ZSCAN16: variants seen among roughly 807,000 people sequenced by gnomAD.
The protein encoded by ZSCAN16 is zinc finger and SCAN domain-containing protein 16.
Under a neutral mutation model 19.4 loss-of-function variants are expected in ZSCAN16, and 15 were observed. The observed-to-expected ratio is 0.77, with a 90% CI of 0.52 to 1.19. The LOEUF (loss-of-function observed/expected upper bound fraction) is 1.19. Ranked by LOEUF, ZSCAN16 falls within the 50% of genes most tolerant of loss-of-function variation. ZSCAN16 has a pLI of 0.00. For synonymous variants in ZSCAN16, 138 were observed against 146.5 expected (o/e 0.94, Z 0.42); for missense variants, 327 against 415.7 (o/e 0.79, Z 1.86).
At chr6:28,127,837 T>C (rs1482793428) in intron 3 of ZSCAN16, among the ~76,000 whole-genome samples, 1 of 152,152 alleles carries the variant, frequency 6.6e-6, no homozygotes, top group Non-Finnish European at 1.5e-5. Context: ...TCACCACCCT[T>C]TCTCTAGAGG....
chr6:28,127,633 A>C (rs756751646), intron 3 of ZSCAN16, among the ~76,000 whole-genome samples: 24 of 152,244 alleles, frequency 1.6e-4, no homozygotes, highest in Non-Finnish European at 3.1e-4. Flanking sequence ...TGATGAAAGA[A>C]GTAGGGAAGA....
chr6:28,127,275 T>C (rs1215294375), intron 3 of ZSCAN16, among the ~76,000 whole-genome samples: 1 of 152,212 alleles, frequency 6.6e-6, no homozygotes, highest in African/African-American at 2.4e-5. Flanking sequence ...CAGAATACCA[T>C]GGACTTATGG....
At chr6:28,126,454 AC>A (rs945089230) in intron 2 of ZSCAN16, among the ~76,000 whole-genome samples, 2 of 152,212 alleles carry the variant, frequency 1.3e-5, no homozygotes, top group African/African-American at 4.8e-5. Context: ...TTTGCTAGTG[AC>A]TACCATATCG....
chr6:28,128,871 G>A (rs1039644487), intron 3 of ZSCAN16, among the ~76,000 whole-genome samples: 1 of 152,136 alleles, frequency 6.6e-6, no homozygotes, highest in Non-Finnish European at 1.5e-5. Context: ...TGACCTGCAT[G>A]TTGTCATGCT....
chr6:28,127,658 T>G (rs962046359), intron 3 of ZSCAN16, among the ~76,000 whole-genome samples: 1 of 152,222 alleles, frequency 6.6e-6, no homozygotes, highest in Non-Finnish European at 1.5e-5. Flanking sequence ...CAATGATCAG[T>G]CAATACAGCA....
chr6:28,129,603 A>C lies in ZSCAN16; in HGVS notation c.700A>C (p.Arg234=). Residue 234 remains arginine (R), a synonymous_variant, in exon 4 of 4, where the codon AGA becomes CGA. Transcript: ENST00000340487. Reference sequence around the variant, plus strand: ...ATCAGAATGGCAACAGAGGGAAAGAAGACGATATAAATGTGATGAATGTGG... The same window carrying C: ...ATCAGAATGGCAACAGAGGGAAAGACGACGATATAAATGTGATGAATGTGG... ...GRSEWQQRER[R]RYKCDECGKS... 6.2e-7 allele frequency: 1 copy of C among 1,614,208 alleles called. No individual in the cohort carries two copies. Among genetic ancestry groups the C allele is most frequent in the Non-Finnish European group, 8.5e-7 (1 of 1,180,028 alleles).
In ZSCAN16 at chr6:28,129,574, G is replaced by A; in HGVS notation, c.671G>A (p.Gly224Asp). 6.2e-7 allele frequency: 1 copy of A among 1,614,130 alleles called. No individual in the cohort carries two copies. Among genetic ancestry groups the A allele is most frequent in the Middle Eastern group, 1.6e-4 (1 of 6,062 alleles). Residue 224 changes from glycine to aspartate, a missense_variant, in exon 4 of 4, where the codon GGC becomes GAC. Coordinates refer to ENST00000340487, the MANE Select transcript of ZSCAN16 (RefSeq NM_025231.3). The part of the protein sequence containing the change: ...PKSKDIIENE[G>D]RSEWQQRERR... ...TCCAAAGATATTATTGAAAATGAGG[G>A]CAGATCAGAATGGCAACAGAGGGAA... is the stretch of plus-strand genomic sequence containing the variant.
chr6:28,129,814 G>A lies in ZSCAN16; in HGVS notation c.911G>A (p.Arg304His), dbSNP rs766950970. 10 of 1,614,122 alleles carry A rather than the reference G, an allele frequency of 6.2e-6. No individual in the cohort carries two copies. Among genetic ancestry groups the A allele is most frequent in the South Asian group, 1.1e-5 (1 of 91,082 alleles). The part of the protein sequence containing the change: ...CKECGKDFSG[R>H]TGLIQHQRIH... Reference sequence around the variant, plus strand: ...GAATGTGGGAAAGACTTCAGTGGGCGCACAGGTCTTATTCAGCATCAGAGA... The same window carrying A: ...GAATGTGGGAAAGACTTCAGTGGGCACACAGGTCTTATTCAGCATCAGAGA... The change falls in exon 4 of 4, where the codon CGC becomes CAC. Residue 304 changes from arginine (R) to histidine (H), a missense_variant. By Grantham distance (29) the Arg-to-His change is conservative (BLOSUM62 0). Transcript: ENST00000340487.
chr6:28,129,850 G>T lies in ZSCAN16; in HGVS notation c.947G>T (p.Gly316Val). 1 of 1,614,164 alleles carries T rather than the reference G, an allele frequency of 6.2e-7. No individual in the cohort carries two copies. Among genetic ancestry groups the T allele is most frequent in the South Asian group, 1.1e-5 (1 of 91,072 alleles). Residue 316 changes from glycine (G) to valine (V), a missense_variant, in exon 4 of 4, where the codon GGT becomes GTT. Physicochemically the swap from Gly to Val is moderately radical, Grantham distance 109. Coordinates refer to ENST00000340487, the MANE Select transcript of ZSCAN16 (RefSeq NM_025231.3). ...GLIQHQRIHTGEKPYECDECG... is the reference protein window; with the variant it reads ...GLIQHQRIHTVEKPYECDECG... ...ATTCAGCATCAGAGAATCCACACAG[G>T]TGAAAAACCCTATGAATGTGATGAG... is the stretch of plus-strand genomic sequence containing the variant.
At position 28,125,327 on chromosome 6, in the gene ZSCAN16, G is replaced by T; in HGVS notation, c.-31-86G>T. 1 of 1,464,296 alleles carries T rather than the reference G, an allele frequency of 6.8e-7. No individual in the cohort carries two copies. The highest frequency in any genetic ancestry group is 9.0e-7 in the Non-Finnish European group (1 of 1,105,872). The allele number at this position is 1,464,296 out of a possible 1,614,324, so 90.7% of individuals were successfully genotyped here. On this transcript the variant is annotated intron_variant, in intron 1 of 3. Transcript: ENST00000340487. The surrounding 1 kb of genome is among the most constrained non-coding windows in gnomAD (Gnocchi z 6.2). Reference sequence around the variant, plus strand: ...TGTGTTTATGTTCACAGAAATTTTTGTAATTTCTCTATGGTAACAACTTTT... The same window carrying T: ...TGTGTTTATGTTCACAGAAATTTTTTTAATTTCTCTATGGTAACAACTTTT...
chr6:28,128,375 A>G (rs1238618872), intron 3 of ZSCAN16, among the ~76,000 whole-genome samples: 1 of 152,224 alleles, frequency 6.6e-6, no homozygotes, highest in Non-Finnish European at 1.5e-5. Flanking sequence ...TCCAAAGGTT[A>G]GACACTTACA....
chr6:28,129,778 AT>A lies in ZSCAN16; in HGVS notation c.876del (p.Tyr292Ter). ...HHRVHTGVKPYKCKECGKDFS... is the reference protein window; with the variant it reads ...HHRVHTGVKPXKCKECGKDFS... The stretch of plus-strand genomic sequence containing the variant: ...AGAGTACACACGGGAGTAAAACCCT[AT>A]AAATGTAAAGAATGTGGGAAAGACT... On this transcript the variant is annotated frameshift_variant, in exon 4 of 4. Coordinates refer to ENST00000340487, the MANE Select transcript of ZSCAN16 (RefSeq NM_025231.3). LOFTEE classifies it low-confidence loss of function (END_TRUNC). 1 of 1,614,190 alleles carries A rather than the reference AT, an allele frequency of 6.2e-7. No individual in the cohort carries two copies. Among genetic ancestry groups the A allele is most frequent in the African/African-American group, 1.3e-5 (1 of 75,068 alleles).
At position 28,126,780 on chromosome 6, in the gene ZSCAN16, T is replaced by C; in HGVS notation, c.388-3T>C. 4.2e-6 allele frequency: 6 copies of C among 1,435,544 alleles called. No individual in the cohort carries two copies. The highest frequency in any genetic ancestry group is 5.6e-6 in the Non-Finnish European group (6 of 1,079,446). The allele number at this position is 1,435,544 out of a possible 1,614,324, so 88.9% of individuals were successfully genotyped here. Reference sequence around the variant, plus strand: ...TTCACCTTACACACCTCATTTTCCCTAGGTCCCAGGCAATTCAGAAAGACG... The same window carrying C: ...TTCACCTTACACACCTCATTTTCCCCAGGTCCCAGGCAATTCAGAAAGACG... On this transcript the variant is annotated splice_region_variant and splice_polypyrimidine_tract_variant and intron_variant, in intron 2 of 3. Transcript: ENST00000340487.
chr6:28,128,428 T>C (rs895792335), intron 3 of ZSCAN16, among the ~76,000 whole-genome samples: 1 of 152,160 alleles, frequency 6.6e-6, no homozygotes, highest in African/African-American at 2.4e-5. Flanking sequence ...CTTACAATAG[T>C]GTAATAATTA....
Position 28,129,824 on chromosome 6 carries a change from T to C in ZSCAN16, c.921T>C (p.Leu307=), listed in dbSNP as rs766200223. The C allele has an allele frequency of 6.2e-7, 1 of 1,614,200 alleles. No individual in the cohort carries two copies. Among genetic ancestry groups the C allele is most frequent in the Non-Finnish European group, 8.5e-7 (1 of 1,180,034 alleles). The part of the protein sequence containing the change: ...CGKDFSGRTG[L]IQHQRIHTGE... ...AAGACTTCAGTGGGCGCACAGGTCT[T>C]ATTCAGCATCAGAGAATCCACACAG... Residue 307 remains leucine, a synonymous_variant, in exon 4 of 4, where the codon CTT becomes CTC. Coordinates refer to ENST00000340487, the MANE Select transcript of ZSCAN16 (RefSeq NM_025231.3).
Position 28,126,912 on chromosome 6 carries a change from C to A in ZSCAN16, c.517C>A (p.Gln173Lys). Residue 173 changes from glutamine to lysine, a missense_variant, in exon 3 of 4, where the codon CAA (glutamine) becomes AAA (lysine). Physicochemically the swap from Gln to Lys is moderately conservative, Grantham distance 53. Coordinates refer to ENST00000340487, the MANE Select transcript of ZSCAN16 (RefSeq NM_025231.3). Reference sequence around the variant, plus strand: ...GCTGGAGCAGGAAGCTGGGAAACCACAAAGGAATGGTAAGCAGGAACAGTT... The same window carrying A: ...GCTGGAGCAGGAAGCTGGGAAACCAAAAAGGAATGGTAAGCAGGAACAGTT... The part of the protein sequence containing the change: ...TQLEQEAGKP[Q>K]RNGDKTRTKN... 6.4e-7 allele frequency: 1 copy of A among 1,573,802 alleles called. No individual in the cohort carries two copies. The highest frequency in any genetic ancestry group is 8.7e-7 in the Non-Finnish European group (1 of 1,153,922).
At chr6:28,126,527 G>A (rs1026534024) in intron 2 of ZSCAN16, among the ~76,000 whole-genome samples, 1 of 152,200 alleles carries the variant, frequency 6.6e-6, no homozygotes, top group African/African-American at 2.4e-5. Flanking sequence ...TGATTTTTAA[G>A]CTACCTTCCA....
chr6:28,128,922 C>T (rs1236453054), intron 3 of ZSCAN16, among the ~76,000 whole-genome samples: 1 of 152,170 alleles, frequency 6.6e-6, no homozygotes, highest in Admixed American at 6.5e-5. Flanking sequence ...ACACACTCCC[C>T]TCCTTGGATG....
Position 28,129,023 on chromosome 6 carries a change from G to A in ZSCAN16, c.527-407G>A, listed in dbSNP as rs555217663. Among the ~76,000 whole-genome samples the A allele has an allele frequency of 6.6e-5, 10 of 151,920 alleles. No homozygotes were observed. The East Asian group carries it at 1.5e-3, about 24-fold the overall frequency. Reference sequence around the variant, plus strand: ...ATTTTACTTGCCACCTATGTTTCAGGCCCCTGCATGTTTCTCCCAAACTTT... The same window carrying A: ...ATTTTACTTGCCACCTATGTTTCAGACCCCTGCATGTTTCTCCCAAACTTT... On this transcript the variant is annotated intron_variant, in intron 3 of 3. Coordinates refer to ENST00000340487, the MANE Select transcript of ZSCAN16 (RefSeq NM_025231.3).
Sources: allele counts gnomAD v4.1 joint callset (sites outside exome capture counted in the v4.1 genomes callset), GRCh38; gene constraint gnomAD v4.1.1; non-coding constraint Gnocchi (gnomAD v3.1); transcripts MANE v1.5; gene names NCBI Gene and HGNC (gene_info 2026-07-23, HGNC 2026-07-21).